The following TRIM41 variants were observed in gnomAD, a reference collection of about 807,000 sequenced individuals.
TRIM41 encodes the protein tripartite motif containing 41, also known as E3 ubiquitin-protein ligase TRIM41.
Under a neutral mutation model 60.6 loss-of-function variants are expected in TRIM41, and 21 were observed. That is an observed-to-expected ratio of 0.35 (90% CI 0.25 to 0.50). TRIM41 has a LOEUF of 0.50. Ranked by LOEUF, TRIM41 falls within the 20% of genes least tolerant of loss-of-function variation. The pLI is 0.98. For synonymous variants in TRIM41, 407 were observed against 344.9 expected, an observed-to-expected ratio of 1.18 and a Z score of -2.00; for missense variants, 846 against 868.3, an observed-to-expected ratio of 0.97 and a Z score of 0.32.
Position 181,223,910 on chromosome 5 carries a change from G to T in TRIM41, c.-90G>T. 7.2e-7 allele frequency: 1 copy of T among 1,380,060 alleles called. No individual in the cohort carries two copies. The allele number at this position is 1,380,060 out of a possible 1,614,324, so 85.5% of individuals were successfully genotyped here. On this transcript the variant is annotated 5_prime_UTR_variant, in exon 1 of 6. Coordinates refer to ENST00000315073, the MANE Select transcript of TRIM41 (RefSeq NM_033549.5). ...CGAGGTGTGGAGGGGCAGGGCTGGG[G>T]GTGGAGCCGGGTCGCCAGGGCGTCG...
rs143436566 is a variant in TRIM41 at position 181,224,810 on chromosome 5, A to C, written c.811A>C (p.Lys271Gln). 34 of 1,614,054 alleles carry C rather than the reference A, an allele frequency of 2.1e-5. No individual in the cohort carries two copies. In the Admixed American group the frequency reaches 3.5e-4, roughly 17 times the overall value. ...ATTGGAGGAGGTGGTGCAGGAGTAC[A>C]AGGTGAGAGAAGTACAGAGAGAAGA... ...VPLEEVVQEY[K>Q]AKLQGHVEPL... Residue 271 changes from lysine to glutamine, a missense_variant and splice_region_variant, in exon 1 of 6, where the codon AAG becomes CAG. Coordinates refer to ENST00000315073, the MANE Select transcript of TRIM41 (RefSeq NM_033549.5).
In TRIM41 at chr5:181,235,078, G is replaced by C; in HGVS notation, c.*303G>C. Reference sequence around the variant, plus strand: ...TAGCCCAGCCCTGGGACTGGAATTTGAGTAGGGGATGAGGGGAAATTGTAA... The same window carrying C: ...TAGCCCAGCCCTGGGACTGGAATTTCAGTAGGGGATGAGGGGAAATTGTAA... On this transcript the variant is annotated 3_prime_UTR_variant, in exon 6 of 6. Transcript: ENST00000315073. 3.7e-6 allele frequency: 6 copies of C among 1,610,146 alleles called. No individual in the cohort carries two copies. Among genetic ancestry groups the C allele is most frequent in the South Asian group, 1.1e-5 (1 of 90,746 alleles).
Position 181,224,718 on chromosome 5 carries a change from T to G in TRIM41, c.719T>G (p.Val240Gly). ...HQEALKLFCE[V>G]DEEAICVVCR... ...GAAGCCCTGAAGCTCTTCTGCGAGGTAGACGAAGAGGCCATCTGTGTGGTG... is the reference window on the plus strand; with the variant it reads ...GAAGCCCTGAAGCTCTTCTGCGAGGGAGACGAAGAGGCCATCTGTGTGGTG... Residue 240 changes from valine (V) to glycine (G), a missense_variant, in exon 1 of 6, where the codon GTA (valine) becomes GGA (glycine). Val to Gly is a moderately radical substitution (Grantham distance 109). Coordinates refer to ENST00000315073, the MANE Select transcript of TRIM41 (RefSeq NM_033549.5). 6.2e-7 allele frequency: 1 copy of G among 1,613,974 alleles called. No individual in the cohort carries two copies. The highest frequency in any genetic ancestry group is 8.5e-7 in the Non-Finnish European group (1 of 1,179,986).
chr5:181,233,981 T>C lies in TRIM41; in HGVS notation c.1292-193T>C. ...GGTGGAGTGGCAGGAAGAGCCAGGC[T>C]GGGGGAAGACCTGTCAGGTATCCTA... On this transcript the variant is annotated intron_variant, in intron 5 of 5. Transcript: ENST00000315073. The surrounding 1 kb of genome is among the most constrained non-coding windows in gnomAD (Gnocchi z 4.1). 1 of 1,180,508 alleles carries C rather than the reference T, an allele frequency of 8.5e-7. No homozygotes were observed. The highest frequency in any genetic ancestry group is 2.5e-5 in the East Asian group (1 of 39,608). 73.1% of individuals were successfully genotyped at this position (1,180,508 alleles called of 1,614,324 possible).
intron 2 of TRIM41, chr5:181,231,618 C>G (rs1279714787): frequency 6.6e-6 from 1 of 152,520 alleles, no homozygotes; most frequent in Non-Finnish European, 1.5e-5. Context: ...AGGGACTCTG[C>G]TGCTGGCGAC....
Position 181,223,463 on chromosome 5 carries a change from T to G in TRIM41, c.-537T>G, listed in dbSNP as rs949596973. ...AGGCGGTTCCTCTGTTCTTTCTGCG[T>G]TCCCCGCGGCCTCTTACCACAGAGA... On this transcript the variant is annotated 5_prime_UTR_variant, in exon 1 of 6. Coordinates refer to ENST00000315073, the MANE Select transcript of TRIM41 (RefSeq NM_033549.5). 1 of 401,606 alleles carries G rather than the reference T, an allele frequency of 2.5e-6. No homozygotes were observed. The highest frequency in any genetic ancestry group is 4.4e-6 in the Non-Finnish European group (1 of 227,798). The allele number at this position is 401,606 out of a possible 1,614,324, so 24.9% of individuals were successfully genotyped here.
At chr5:181,231,556 T>G (rs1406926930) in intron 2 of TRIM41, 1 of 153,474 alleles carries the variant, frequency 6.5e-6, no homozygotes, top group Non-Finnish European at 1.4e-5. Flanking sequence ...TCCCAGCCAG[T>G]GCCTGGGCCT....
Position 181,233,460 on chromosome 5 carries a change from G to A in TRIM41, c.1163+25G>A, listed in dbSNP as rs779906547. 1.7e-5 allele frequency: 27 copies of A among 1,613,772 alleles called. No homozygotes were observed. Among genetic ancestry groups the A allele is most frequent in the Non-Finnish European group, 2.0e-5 (24 of 1,179,986 alleles). ...GGTGTGTTCCCAGTCTTTGCCCTTC[G>A]TGACCCAGTGGCATCTGGTTCCCTG... On this transcript the variant is annotated intron_variant, in intron 4 of 5. Coordinates refer to ENST00000315073, the MANE Select transcript of TRIM41 (RefSeq NM_033549.5). The surrounding 1 kb of genome is among the most constrained non-coding windows in gnomAD (Gnocchi z 4.1).
At position 181,234,889 on chromosome 5, in the gene TRIM41, T is replaced by TTC; in HGVS notation, c.*115_*116dup. The TTC allele has an allele frequency of 6.2e-7, 1 of 1,612,128 alleles. No individual in the cohort carries two copies. Among genetic ancestry groups the TTC allele is most frequent in the Non-Finnish European group, 8.5e-7 (1 of 1,179,812 alleles). ...TTCCCACTGCTTGTTACTGTGTTGC[T>TTC]TCCCACTCCCCCTTGACCCCAGGCC... is the stretch of plus-strand genomic sequence containing the variant. On this transcript the variant is annotated 3_prime_UTR_variant, in exon 6 of 6. Transcript: ENST00000315073. This position sits in a 1 kb window ranked among gnomAD's most constrained non-coding sequence, Gnocchi z 5.6.
At chr5:181,229,899 A>C (rs1758716476) in intron 1 of TRIM41, 1 of 152,252 alleles carries the variant, frequency 6.6e-6, no homozygotes, top group East Asian at 1.9e-4. Flanking sequence ...AATGACAAGT[A>C]ATTTTATGTG....
Position 181,234,057 on chromosome 5 carries a change from C to G in TRIM41, c.1292-117C>G. 6.5e-7 allele frequency: 1 copy of G among 1,545,804 alleles called. No homozygotes were observed. Among genetic ancestry groups the G allele is most frequent in the Non-Finnish European group, 8.8e-7 (1 of 1,135,406 alleles). ...GCCTGCAGGAATCTGAGGCTGGCCTCTGGGATGGTGTGGGGAGCTGGATTC... is the reference window on the plus strand; with the variant it reads ...GCCTGCAGGAATCTGAGGCTGGCCTGTGGGATGGTGTGGGGAGCTGGATTC... On this transcript the variant is annotated intron_variant, in intron 5 of 5. Coordinates refer to ENST00000315073, the MANE Select transcript of TRIM41 (RefSeq NM_033549.5). The surrounding 1 kb of genome is among the most constrained non-coding windows in gnomAD (Gnocchi z 5.6).
In TRIM41 at chr5:181,233,461, T is replaced by A. The variant is rs540268692; in HGVS notation, c.1163+26T>A. On this transcript the variant is annotated intron_variant, in intron 4 of 5. Transcript: ENST00000315073. The surrounding 1 kb of genome is among the most constrained non-coding windows in gnomAD (Gnocchi z 4.1). ...GTGTGTTCCCAGTCTTTGCCCTTCG[T>A]GACCCAGTGGCATCTGGTTCCCTGT... 1 of 1,614,176 alleles carries A rather than the reference T, an allele frequency of 6.2e-7. No individual in the cohort carries two copies. Among genetic ancestry groups the A allele is most frequent in the African/African-American group, 1.3e-5 (1 of 75,048 alleles).
intron 1 of TRIM41, chr5:181,228,780 A>G (rs1758663510): frequency 6.6e-6 from 1 of 151,044 alleles, no homozygotes; most frequent in Admixed American, 6.6e-5. Context: ...CTAAAAATAC[A>G]AAAATTAGCC....
chr5:181,224,853 G>T lies in TRIM41; in HGVS notation c.813+41G>T, dbSNP rs182515966. Reference sequence around the variant, plus strand: ...AGAGAAGATGGGAGTTTAGTGGGGGGATGGAGAGGAAGTAAGGGGACCTGG... The same window carrying T: ...AGAGAAGATGGGAGTTTAGTGGGGGTATGGAGAGGAAGTAAGGGGACCTGG... On this transcript the variant is annotated intron_variant, in intron 1 of 5. Transcript: ENST00000315073. 2.3e-5 allele frequency: 37 copies of T among 1,612,898 alleles called. No homozygotes were observed. In the South Asian group the frequency reaches 2.4e-4, roughly 11 times the overall value.
At position 181,234,662 on chromosome 5, in the gene TRIM41, A is replaced by G; in HGVS notation, c.1780A>G (p.Asn594Asp). 6.2e-7 allele frequency: 1 copy of G among 1,614,210 alleles called. No homozygotes were observed. The highest frequency in any genetic ancestry group is 8.5e-7 in the Non-Finnish European group (1 of 1,180,026). The change falls in exon 6 of 6, where the codon AAC becomes GAC. Residue 594 changes from asparagine to aspartate, a missense_variant. Transcript: ENST00000315073. The surrounding 1 kb of genome is among the most constrained non-coding windows in gnomAD (Gnocchi z 5.6). ...TGAAGCTGGGCGCCTGGGCTTCTACAACGCAGAGACTCTAGCCCACGTGCA... is the reference window on the plus strand; with the variant it reads ...TGAAGCTGGGCGCCTGGGCTTCTACGACGCAGAGACTCTAGCCCACGTGCA... ...DYEAGRLGFY[N>D]AETLAHVHTF...
chr5:181,233,520 T>TCGGTATC lies in TRIM41; in HGVS notation c.1163+86_1163+87insGGTATCC. 1 of 1,612,456 alleles carries TCGGTATC rather than the reference T, an allele frequency of 6.2e-7. No individual in the cohort carries two copies. The highest frequency in any genetic ancestry group is 1.3e-5 in the African/African-American group (1 of 74,908). ...CTCTTCGGTATCCCTCTCCTCTCCT[T>TCGGTATC]CCTTCCCCAGGACCTGAGTTTCCAT... On this transcript the variant is annotated intron_variant, in intron 4 of 5. Coordinates refer to ENST00000315073, the MANE Select transcript of TRIM41 (RefSeq NM_033549.5). The surrounding 1 kb of genome is among the most constrained non-coding windows in gnomAD (Gnocchi z 4.1).
Position 181,234,135 on chromosome 5 carries a change from G to C in TRIM41, c.1292-39G>C. On this transcript the variant is annotated intron_variant, in intron 5 of 5. Transcript: ENST00000315073. The surrounding 1 kb of genome is among the most constrained non-coding windows in gnomAD (Gnocchi z 5.6). Reference sequence around the variant, plus strand: ...GTTGGCTGCTGACAGGGGAACAGCCGTTCCAGCCCTGGCGTATTTGTCCTC... The same window carrying C: ...GTTGGCTGCTGACAGGGGAACAGCCCTTCCAGCCCTGGCGTATTTGTCCTC... 1.2e-6 allele frequency: 2 copies of C among 1,602,372 alleles called. No homozygotes were observed. Among genetic ancestry groups the C allele is most frequent in the Non-Finnish European group, 1.7e-6 (2 of 1,179,832 alleles).
Position 181,230,854 on chromosome 5 carries a change from T to C in TRIM41, c.909+15T>C. The C allele has an allele frequency of 6.2e-7, 1 of 1,609,188 alleles. No individual in the cohort carries two copies. Among genetic ancestry groups the C allele is most frequent in the Non-Finnish European group, 8.5e-7 (1 of 1,176,192 alleles). On this transcript the variant is annotated intron_variant, in intron 2 of 5. Coordinates refer to ENST00000315073, the MANE Select transcript of TRIM41 (RefSeq NM_033549.5). ...CAGAACTGAAGGTGGGTGAATGTTC[T>C]CGACGGGGCTGATGGGCAGTACAGT...
Position 181,233,960 on chromosome 5 carries a change from G to A in TRIM41, c.1291+197G>A. 1 of 1,160,604 alleles carries A rather than the reference G, an allele frequency of 8.6e-7. No individual in the cohort carries two copies. Among genetic ancestry groups the A allele is most frequent in the East Asian group, 2.5e-5 (1 of 39,330 alleles). The allele number at this position is 1,160,604 out of a possible 1,614,324, so 71.9% of individuals were successfully genotyped here. A position where few individuals can be genotyped will look rare whatever the true frequency, so the allele number is the denominator to read the frequency against. On this transcript the variant is annotated intron_variant, in intron 5 of 5. Coordinates refer to ENST00000315073, the MANE Select transcript of TRIM41 (RefSeq NM_033549.5). This position sits in a 1 kb window ranked among gnomAD's most constrained non-coding sequence, Gnocchi z 4.1. ...CAGGCCTGGAGGGTGGGGTGGGGTG[G>A]AGTGGCAGGAAGAGCCAGGCTGGGG...
Sources: gnomAD v4.1 joint callset for allele counts on GRCh38, gnomAD v4.1.1 for gene constraint, Gnocchi (gnomAD v3.1) non-coding constraint, MANE v1.5 for transcripts, NCBI Gene and HGNC (gene_info 2026-07-23, HGNC 2026-07-21) for gene names.